CNTLN: variants seen among roughly 807,000 people sequenced by gnomAD.
CNTLN encodes centlein, centrosomal protein.
CNTLN carries 212 observed loss-of-function variants against 180.0 expected under a neutral mutation model. The ratio of observed to expected loss-of-function variants is 1.18; its 90% confidence interval spans 1.05 to 1.32. The LOEUF is 1.32. Ranked by LOEUF, CNTLN falls within the 40% of genes most tolerant of loss-of-function variation. CNTLN has a pLI of 0.00. For synonymous variants in CNTLN, 722 were observed against 563.1 expected, an observed-to-expected ratio of 1.28 and a Z score of -3.99; for missense variants, 2,095 against 1,610.9, an observed-to-expected ratio of 1.30 and a Z score of -5.14.
intron 18 of CNTLN, among the ~76,000 whole-genome samples, chr9:17,454,256 A>T (rs975492517): frequency 5.3e-5 from 8 of 152,366 alleles, no homozygotes; most frequent in Non-Finnish European, 8.8e-5. Flanking sequence ...TAGTTTAAAA[A>T]TTTTATAGTG....
intron 7 of CNTLN, among the ~76,000 whole-genome samples, chr9:17,306,359 G>A (rs1232479760): frequency 6.6e-6 from 1 of 152,120 alleles, no homozygotes; most frequent in Non-Finnish European, 1.5e-5. Flanking sequence ...ATGTTGGTGA[G>A]GCTGGTCTTG....
chr9:17,313,911 C>A (rs112032804), intron 8 of CNTLN, among the ~76,000 whole-genome samples: 5 of 152,218 alleles, frequency 3.3e-5, no homozygotes, highest in African/African-American at 9.6e-5. Flanking sequence ...ATTCACCTGC[C>A]TCAGCCTTCC....
At chr9:17,203,503 C>A (rs1442662861) in intron 2 of CNTLN, among the ~76,000 whole-genome samples, 1 of 151,980 alleles carries the variant, frequency 6.6e-6, no homozygotes, top group African/African-American at 2.4e-5. Flanking sequence ...ACATAGTGCC[C>A]TAATTCTTGG....
intron 14 of CNTLN, among the ~76,000 whole-genome samples, chr9:17,390,768 T>A (rs1160998419): frequency 6.6e-6 from 1 of 152,204 alleles, no homozygotes; most frequent in East Asian, 1.9e-4. Context: ...GTGCTATGGA[T>A]TTTCCCTTTT....
intron 2 of CNTLN, among the ~76,000 whole-genome samples, chr9:17,189,052 A>G (rs947043062): frequency 2.9e-4 from 37 of 125,452 alleles, no homozygotes; most frequent in African/African-American, 9.9e-4. Context: ...TTGTTAATCA[A>G]TTTGAGCTTT....
chr9:17,426,383 A>C (rs1385482289), intron 18 of CNTLN, among the ~76,000 whole-genome samples: 1 of 152,194 alleles, frequency 6.6e-6, no homozygotes, highest in Non-Finnish European at 1.5e-5. Context: ...AGTAAGAAAT[A>C]GAATTTTTAA....
rs1819062332 is a variant in CNTLN at position 17,310,576 on chromosome 9, G to A, written c.1341+1324G>A. 3.3e-5 allele frequency among the ~76,000 whole-genome samples: 5 copies of A among 152,024 alleles called. No homozygotes were observed. In the South Asian group the frequency reaches 1.0e-3, roughly 32 times the overall value. On this transcript the variant is annotated intron_variant, in intron 8 of 25. Transcript: ENST00000380647. ...ACGTACACGTTCATGCATCTTTGTG[G>A]GTTATATATCTAGGAGTAGAAATCC...
intron 2 of CNTLN, among the ~76,000 whole-genome samples, chr9:17,155,274 G>A (rs1442390062): frequency 2.6e-5 from 4 of 152,154 alleles, no homozygotes; most frequent in African/African-American, 7.2e-5. Flanking sequence ...AACCAATTCC[G>A]GACACAGTAT....
chr9:17,268,030 C>G (rs1332577534), intron 5 of CNTLN, among the ~76,000 whole-genome samples: 1 of 152,128 alleles, frequency 6.6e-6, no homozygotes, highest in Non-Finnish European at 1.5e-5. Flanking sequence ...GCCTTCTTCT[C>G]TCAACTTGTC....
intron 2 of CNTLN, among the ~76,000 whole-genome samples, chr9:17,220,806 A>G (rs1468199444): frequency 6.9e-6 from 1 of 144,246 alleles, no homozygotes; most frequent in Non-Finnish European, 1.5e-5. Context: ...GTAGTATTCC[A>G]CAGTGTATAT....
chr9:17,232,699 T>C (rs1338315168), intron 3 of CNTLN, among the ~76,000 whole-genome samples: 1 of 152,016 alleles, frequency 6.6e-6, no homozygotes, highest in Non-Finnish European at 1.5e-5. Context: ...ACAGTCTAGT[T>C]TGGGAGATAT....
At chr9:17,495,456 G>T (rs182093570) in intron 25 of CNTLN, among the ~76,000 whole-genome samples, 1 of 151,664 alleles carries the variant, frequency 6.6e-6, no homozygotes, top group Non-Finnish European at 1.5e-5. Context: ...TAATTAAAAC[G>T]TTTAAAAATA....
chr9:17,369,772 A>C (rs543055160), intron 13 of CNTLN, among the ~76,000 whole-genome samples: 1 of 151,790 alleles, frequency 6.6e-6, no homozygotes, highest in East Asian at 2.0e-4. Context: ...GGATCACCTA[A>C]TGTCAGGAAT....
At chr9:17,319,674 A>G (rs182520019) in intron 8 of CNTLN, among the ~76,000 whole-genome samples, 85 of 152,308 alleles carry the variant, frequency 5.6e-4, no homozygotes, top group East Asian at 9.7e-4. Flanking sequence ...TTATAATAGT[A>G]CTTACCTCAT....
chr9:17,209,474 T>C (rs1037477850), intron 2 of CNTLN, among the ~76,000 whole-genome samples: 6 of 152,200 alleles, frequency 3.9e-5, no homozygotes, highest in African/African-American at 7.2e-5. Flanking sequence ...TGTTTCTTTG[T>C]TGATTTTCTG....
intron 18 of CNTLN, among the ~76,000 whole-genome samples, chr9:17,453,967 C>A (rs998764546): frequency 5.3e-5 from 8 of 152,154 alleles, no homozygotes; most frequent in Admixed American, 2.6e-4. Flanking sequence ...TGATTAGGGA[C>A]GCTGACCCTA....
chr9:17,486,923 A>G (rs1832918342), intron 24 of CNTLN, 66 bp from the exon 25 acceptor site: 4 of 729,936 alleles, frequency 5.5e-6, no homozygotes, highest in Non-Finnish European at 9.4e-6. Flanking sequence ...TTTATTCAGT[A>G]TCTAATAGTA....
intron 13 of CNTLN, among the ~76,000 whole-genome samples, chr9:17,377,187 T>C (rs1276642343): frequency 6.6e-6 from 1 of 152,236 alleles, no homozygotes; most frequent in Non-Finnish European, 1.5e-5. Context: ...ATCACATTTT[T>C]AAAAGCCATG....
chr9:17,440,053 C>T (rs1830013234), intron 18 of CNTLN, among the ~76,000 whole-genome samples: 1 of 152,132 alleles, frequency 6.6e-6, no homozygotes, highest in African/African-American at 2.4e-5. Context: ...AGTAAAAATG[C>T]AGCAGACATG....
Sources: gnomAD v4.1 joint callset for allele counts (sites outside exome capture counted in the v4.1 genomes callset) on GRCh38, gnomAD v4.1.1 for gene constraint, MANE v1.5 for transcripts, NCBI Gene and HGNC (gene_info 2026-07-23, HGNC 2026-07-21) for gene names.